VAV3: variants seen among roughly 807,000 people sequenced by gnomAD.
VAV3 encodes the protein vav guanine nucleotide exchange factor 3.
VAV3 carries 94 observed loss-of-function variants against 131.2 expected under a neutral mutation model. The observed-to-expected ratio is 0.72, with a 90% CI of 0.61 to 0.85. The LOEUF (loss-of-function observed/expected upper bound fraction) is 0.85, where lower values mean the gene tolerates loss of function less well. Among genes scored for constraint, VAV3 ranks in the 40% least tolerant of loss-of-function variants. VAV3 has a pLI of 0.00. For synonymous variants in VAV3, 349 were observed against 342.0 expected (o/e 1.02, Z -0.22); for missense variants, 939 against 1,002.7 (o/e 0.94, Z 0.86).
At chr1:107,921,856 T>C (rs1006528484) in intron 1 of VAV3, among the ~76,000 whole-genome samples, 1 of 152,138 alleles carries the variant, frequency 6.6e-6, no homozygotes, top group Non-Finnish European at 1.5e-5. Context: ...GGAAAAAAGG[T>C]ATTAAAAGTA....
intron 17 of VAV3, among the ~76,000 whole-genome samples, chr1:107,690,056 T>C (rs887021759): frequency 5.3e-5 from 8 of 152,130 alleles, no homozygotes; most frequent in Non-Finnish European, 1.0e-4. Context: ...GAGGAAAGCT[T>C]TCTACACGAG....
At chr1:107,657,901 T>C (rs533015855) in intron 19 of VAV3, among the ~76,000 whole-genome samples, 1 of 152,324 alleles carries the variant, frequency 6.6e-6, no homozygotes, top group Admixed American at 6.5e-5. Flanking sequence ...GGAAGAGAAA[T>C]TGCTAACTAA....
At chr1:107,667,309 A>G (rs756526288) in intron 19 of VAV3, among the ~76,000 whole-genome samples, 16 of 152,194 alleles carry the variant, frequency 1.1e-4, no homozygotes, top group Non-Finnish European at 1.9e-4. Flanking sequence ...GTAACAAAGG[A>G]TGGACTAGGG....
intron 2 of VAV3, among the ~76,000 whole-genome samples, chr1:107,809,234 G>C (rs985667892): frequency 6.6e-6 from 1 of 152,098 alleles, no homozygotes; most frequent in African/African-American, 2.4e-5. Context: ...TGTCAGTTCA[G>C]CAATATTTTG....
intron 23 of VAV3, 141 bp from the exon 24 acceptor site, chr1:107,602,625 C>G (rs894490152): frequency 2.5e-5 from 15 of 588,380 alleles, no homozygotes; most frequent in Admixed American, 1.9e-4. Context: ...ACACTGGTGA[C>G]AGCTAATTAA....
chr1:107,617,779 CA>C, intron 20 of VAV3, 147 bp from the exon 21 acceptor site: 1 of 589,734 alleles, frequency 1.7e-6, no homozygotes, highest in Non-Finnish European at 2.8e-6. Flanking sequence ...TACTGTGGAT[CA>C]GAAAAGGAAG....
chr1:107,617,478 T>C, intron 21 of VAV3, 89 bp downstream of exon 21: 1 of 1,050,692 alleles, frequency 9.5e-7, no homozygotes, highest in Non-Finnish European at 1.4e-6. Context: ...ATAACTGACC[T>C]GGCCAGTATC....
At chr1:107,661,527 T>C (rs1461723362) in intron 19 of VAV3, among the ~76,000 whole-genome samples, 3 of 152,116 alleles carry the variant, frequency 2.0e-5, no homozygotes, top group African/African-American at 4.8e-5. Flanking sequence ...TGTTTTGCTT[T>C]CTCCCCACTT....
chr1:107,835,325 C>G (rs1248463568), intron 2 of VAV3, among the ~76,000 whole-genome samples: 2 of 152,152 alleles, frequency 1.3e-5, no homozygotes, highest in Admixed American at 1.3e-4. Flanking sequence ...TGGTGCCAAG[C>G]AGCTAAAGGA....
At chr1:107,894,371 C>T (rs1267992117) in intron 1 of VAV3, among the ~76,000 whole-genome samples, 2 of 152,150 alleles carry the variant, frequency 1.3e-5, no homozygotes, top group Non-Finnish European at 2.9e-5. Flanking sequence ...GGCATCAACT[C>T]ATTAAGTAAA....
chr1:107,906,765 T>G (rs989349480), intron 1 of VAV3, among the ~76,000 whole-genome samples: 1 of 151,978 alleles, frequency 6.6e-6, no homozygotes, highest in Non-Finnish European at 1.5e-5. Context: ...CTTTTTATGA[T>G]CACAATAGAA....
At chr1:107,784,784 C>T (rs972515367) in intron 2 of VAV3, among the ~76,000 whole-genome samples, 3 of 152,080 alleles carry the variant, frequency 2.0e-5, no homozygotes, top group African/African-American at 7.2e-5. Flanking sequence ...AAGAGTAATA[C>T]CTTGCTAAAT....
intron 20 of VAV3, among the ~76,000 whole-genome samples, chr1:107,629,751 A>T (rs765368473): frequency 3.3e-5 from 5 of 152,178 alleles, no homozygotes; most frequent in Non-Finnish European, 7.4e-5. Context: ...GAAAATGCAG[A>T]TAGCCCATTC....
chr1:107,600,734 G>T, intron 24 of VAV3, among the ~76,000 whole-genome samples: 1 of 152,080 alleles, frequency 6.6e-6, no homozygotes, highest in East Asian at 1.9e-4. Flanking sequence ...GGTCACTGTG[G>T]TATTACTGGC....
chr1:107,625,730 T>C (rs989004112), intron 20 of VAV3, among the ~76,000 whole-genome samples: 2 of 152,206 alleles, frequency 1.3e-5, no homozygotes, highest in South Asian at 2.1e-4. Flanking sequence ...CAAATTATCA[T>C]GAATAATTAA....
At chr1:107,864,982 T>C (rs1435281009) in intron 2 of VAV3, among the ~76,000 whole-genome samples, 3 of 152,142 alleles carry the variant, frequency 2.0e-5, no homozygotes, top group Non-Finnish European at 4.4e-5. Context: ...TGGCTGAGCC[T>C]TACCCCCTGC....
In VAV3 at chr1:107,609,550, TA is replaced by T. The variant is rs5776892; in HGVS notation, c.2015+380del. On this transcript the variant is annotated intron_variant, in intron 22 of 26. Coordinates refer to ENST00000370056, the MANE Select transcript of VAV3 (RefSeq NM_006113.5). ...ACCCCATCTCTAAAACTATAAAAAATAAAAAAAAAAACTACTACTGTCCTTT... is the reference window on the plus strand; with the variant it reads ...ACCCCATCTCTAAAACTATAAAAAATAAAAAAAAAACTACTACTGTCCTTT... 308 of 152,296 alleles carry T rather than the reference TA, an allele frequency of 2.0e-3. 3 individuals are homozygous for T. In the South Asian group the frequency reaches 0.022, roughly 11 times the overall value. The allele number at this position is 152,296 out of a possible 1,614,324, so 9.4% of individuals were successfully genotyped here.
Position 107,898,531 on chromosome 1 carries a change from T to C in VAV3, c.205-23514A>G, listed in dbSNP as rs377463908. The stretch of plus-strand genomic sequence containing the variant: ...TATAAGTGCTCTGTTACTTAATACA[T>C]CCATTTACATTATTACCATAAAGAT... On this transcript the variant is annotated intron_variant, in intron 1 of 26. Transcript: ENST00000370056. Among the ~76,000 whole-genome samples the C allele has an allele frequency of 2.0e-5, 3 of 152,166 alleles. No homozygotes were observed. The East Asian group carries it at 5.8e-4, about 29-fold the overall frequency.
intron 19 of VAV3, among the ~76,000 whole-genome samples, chr1:107,651,528 G>C (rs1350036040): frequency 2.2e-5 from 1 of 45,806 alleles, no homozygotes; most frequent in African/African-American, 8.2e-5. Context: ...AAGGAAGGAA[G>C]AAACAAAGTA....
Sources: gnomAD v4.1 joint callset for allele counts (sites outside exome capture counted in the v4.1 genomes callset) on GRCh38, gnomAD v4.1.1 for gene constraint, MANE v1.5 for transcripts, NCBI Gene and HGNC (gene_info 2026-07-23, HGNC 2026-07-21) for gene names.